POC1B: variants seen among roughly 807,000 people sequenced by gnomAD.
The protein encoded by POC1B is POC1 centriolar protein B.
A neutral mutation model predicts 60.6 loss-of-function variants in POC1B; 44 were observed. That is an observed-to-expected ratio of 0.73 (90% CI 0.57 to 0.93). The LOEUF (loss-of-function observed/expected upper bound fraction) is 0.93, where lower values mean the gene tolerates loss of function less well. POC1B is among the 40% of genes least tolerant of loss of function. The probability of loss-of-function intolerance (pLI) is 0.00; values close to 1 mark genes in which losing one functional copy is unlikely to be tolerated. For synonymous variants in POC1B, 180 were observed against 198.9 expected (o/e 0.90, Z 0.80); for missense variants, 555 against 572.3 (o/e 0.97, Z 0.31).
intron 4 of POC1B, among the ~76,000 whole-genome samples, chr12:89,474,682 T>C (rs1014778892): frequency 6.6e-6 from 1 of 152,180 alleles, no homozygotes. Context: ...GGCAGTTGTT[T>C]CCACAGCCAA....
At chr12:89,477,543 C>T (rs781091667) in intron 4 of POC1B, among the ~76,000 whole-genome samples, 6 of 152,016 alleles carry the variant, frequency 3.9e-5, no homozygotes, top group Non-Finnish European at 7.4e-5. Context: ...CTCTTCTTCT[C>T]CTCTTTATTC....
intron 4 of POC1B, among the ~76,000 whole-genome samples, chr12:89,482,982 C>T (rs750925316): frequency 2.7e-5 from 4 of 150,410 alleles, no homozygotes; most frequent in South Asian, 2.1e-4. Flanking sequence ...TGGAGTGCAA[C>T]GGCTCACCTC....
intron 10 of POC1B, among the ~76,000 whole-genome samples, chr12:89,456,725 C>T (rs1275473328): frequency 6.6e-6 from 1 of 151,928 alleles, no homozygotes; most frequent in African/African-American, 2.4e-5. Context: ...ATCAAATTTC[C>T]TGCTTGGCAT....
downstream of POC1B, among the ~76,000 whole-genome samples, chr12:89,416,108 G>A (rs942385203): frequency 4.6e-5 from 7 of 152,222 alleles, no homozygotes; most frequent in African/African-American, 1.4e-4. Flanking sequence ...CTCCTCCTAT[G>A]AGCCAGACAA....
At chr12:89,418,158 T>C (rs1480213690), downstream of POC1B, among the ~76,000 whole-genome samples, 1 of 152,146 alleles carries the variant, frequency 6.6e-6, no homozygotes, top group African/African-American at 2.4e-5. Flanking sequence ...AGGGCACTTC[T>C]GAACAGGTAC....
intron 10 of POC1B, among the ~76,000 whole-genome samples, chr12:89,433,750 T>C (rs2120689383): frequency 6.6e-6 from 1 of 152,312 alleles, no homozygotes; most frequent in South Asian, 2.1e-4. Flanking sequence ...ACTCGGATAG[T>C]CACAGAGTTC....
At chr12:89,411,304 A>G in the POC1B span, among the ~76,000 whole-genome samples, 1 of 152,236 alleles carries the variant, frequency 6.6e-6, no homozygotes, top group Non-Finnish European at 1.5e-5. Flanking sequence ...AAAAACCCAT[A>G]TAGCCAAGAC....
chr12:89,431,008 T>C lies in POC1B; in HGVS notation c.1114-5629A>G, dbSNP rs117346013. Among the ~76,000 whole-genome samples, 1,130 of 152,262 alleles carry C rather than the reference T, an allele frequency of 7.4e-3. 9 individuals are homozygous for C. Among genetic ancestry groups the C allele is most frequent in the Admixed American group, 0.012 (184 of 15,288 alleles). On this transcript the variant is annotated intron_variant, in intron 10 of 11. Transcript: ENST00000313546. ...GTACAGTGAGGAAGCAATGTAAGCA[T>C]ATATTATCTAACTTCAAATCACTGG...
chr12:89,503,761 G>A (rs1332013558), intron 2 of POC1B, among the ~76,000 whole-genome samples: 8 of 107,350 alleles, frequency 7.5e-5, no homozygotes, highest in African/African-American at 3.1e-4. Context: ...CCCTCCGCCC[G>A]GCAGCCGCCC....
chr12:89,409,942 C>T, the POC1B span, among the ~76,000 whole-genome samples: 1 of 152,192 alleles, frequency 6.6e-6, no homozygotes, highest in Non-Finnish European at 1.5e-5. Context: ...GGACTCCTCC[C>T]TATCTCATTT....
chr12:89,525,914 A>C lies in POC1B; in HGVS notation c.-19T>G. Reference sequence around the variant, plus strand: ...AGGCCATCGGGGGAGTGGTCGGCCCAAGGCTCCTGTGGGTGGGGGAACCCG... The same window carrying C: ...AGGCCATCGGGGGAGTGGTCGGCCCCAGGCTCCTGTGGGTGGGGGAACCCG... On this transcript the variant is annotated 5_prime_UTR_variant, in exon 1 of 12. Coordinates refer to ENST00000313546, the MANE Select transcript of POC1B (RefSeq NM_172240.3). The C allele has an allele frequency of 1.3e-6, 2 of 1,513,490 alleles. No individual in the cohort carries two copies. Among genetic ancestry groups the C allele is most frequent in the Non-Finnish European group, 1.8e-6 (2 of 1,126,610 alleles). 93.8% of individuals were successfully genotyped at this position (1,513,490 alleles called of 1,614,324 possible).
At chr12:89,504,519 GT>G (rs1359519292) in intron 2 of POC1B, among the ~76,000 whole-genome samples, 3 of 151,596 alleles carry the variant, frequency 2.0e-5, no homozygotes, top group Non-Finnish European at 4.4e-5. Flanking sequence ...TTGTTCACTT[GT>G]TTATCTGCTG....
chr12:89,500,326 C>G, intron 2 of POC1B: 1 of 1,512,310 alleles, frequency 6.6e-7, no homozygotes. Context: ...GCAAAGAGTG[C>G]CAGAAATCAC....
rs974189945 is a variant in POC1B, at chr12:89,441,596, C to A, written c.1114-16217G>T. On this transcript the variant is annotated intron_variant, in intron 10 of 11. Coordinates refer to ENST00000313546, the MANE Select transcript of POC1B (RefSeq NM_172240.3). ...ACCTAACAAACAGAAAGGACATCCA[C>A]AACAAAACCCCATGTGTACGTCACC... Among the ~76,000 whole-genome samples the A allele has an allele frequency of 6.6e-5, 10 of 152,172 alleles. No individual in the cohort carries two copies. In the South Asian group the frequency reaches 1.0e-3, roughly 16 times the overall value.
chr12:89,488,780 C>T (rs895011977), intron 4 of POC1B, among the ~76,000 whole-genome samples: 6 of 152,156 alleles, frequency 3.9e-5, no homozygotes, highest in African/African-American at 1.4e-4. Flanking sequence ...AGTCACTGCG[C>T]AGGGCCAATA....
At chr12:89,421,376 T>G (rs1017623317) in intron 11 of POC1B, 119 bp from the exon 12 acceptor site, 1 of 806,392 alleles carries the variant, frequency 1.2e-6, no homozygotes, top group South Asian at 2.4e-5. Flanking sequence ...TACCAAGAAG[T>G]TGGCTCAAAA....
intron 4 of POC1B, among the ~76,000 whole-genome samples, chr12:89,476,350 T>A (rs1032639584): frequency 6.6e-6 from 1 of 152,224 alleles, no homozygotes; most frequent in Non-Finnish European, 1.5e-5. Context: ...ATGTCTATAT[T>A]CATAGTCATA....
chr12:89,521,353 T>G (rs992100434), intron 2 of POC1B: 1 of 152,208 alleles, frequency 6.6e-6, no homozygotes, highest in East Asian at 1.9e-4. Context: ...TCCACCTGCC[T>G]TGGCCTCCCA....
intron 7 of POC1B, among the ~76,000 whole-genome samples, chr12:89,469,819 G>A (rs1882819163): frequency 6.6e-6 from 1 of 152,078 alleles, no homozygotes; most frequent in South Asian, 2.1e-4. Context: ...AATGGCCATT[G>A]AAAGATACAC....
Sources: allele counts gnomAD v4.1 joint callset (sites outside exome capture counted in the v4.1 genomes callset), GRCh38; gene constraint gnomAD v4.1.1; transcripts MANE v1.5; gene names NCBI Gene and HGNC (gene_info 2026-07-23, HGNC 2026-07-21).